The following NAV1 variants were observed in gnomAD, a reference collection of about 807,000 sequenced individuals.
NAV1 encodes the protein neuron navigator 1.
Under a neutral mutation model 175.2 loss-of-function variants are expected in NAV1, and 18 were observed. The observed-to-expected ratio is 0.10, with a 90% confidence interval of 0.07 to 0.15. The LOEUF is 0.15. NAV1 is among the 10% of genes least tolerant of loss of function. The pLI, the probability that NAV1 is intolerant of heterozygous loss-of-function variation, is 1.00. For missense variants in NAV1, 1,731 were observed against 2,436.6 expected (o/e 0.71, Z 6.10); for synonymous variants, 897 against 978.7 (o/e 0.92, Z 1.56).
At chr1:201,712,509 G>A (rs1185594394) in intron 1 of NAV1, among the ~76,000 whole-genome samples, 1 of 152,204 alleles carries the variant, frequency 6.6e-6, no homozygotes, top group African/African-American at 2.4e-5. Context: ...ATGAGAAGCA[G>A]GGCCTCCCCA....
intron 3 of NAV1, among the ~76,000 whole-genome samples, chr1:201,741,987 G>A (rs750814329): frequency 6.6e-6 from 1 of 152,194 alleles, no homozygotes; most frequent in Non-Finnish European, 1.5e-5. Flanking sequence ...CACCTACCCA[G>A]CCTACTAGGG....
At chr1:201,675,120 GC>G (rs1474529673) in intron 1 of NAV1, among the ~76,000 whole-genome samples, 3 of 151,926 alleles carry the variant, frequency 2.0e-5, no homozygotes, top group Non-Finnish European at 4.4e-5. Flanking sequence ...TTCCCATCAG[GC>G]CCCACCTCTG....
At chr1:201,707,751 G>A (rs1203866117) in intron 1 of NAV1, among the ~76,000 whole-genome samples, 1 of 152,164 alleles carries the variant, frequency 6.6e-6, no homozygotes, top group East Asian at 1.9e-4. Context: ...CAACGTTTTA[G>A]TCTTCTTGCT....
chr1:201,799,356 A>G lies in NAV1; in HGVS notation c.3518-4237A>G, dbSNP rs182366480. On this transcript the variant is annotated intron_variant, in intron 15 of 29. Coordinates refer to ENST00000367296, the Ensembl canonical transcript of NAV1. ...TGAGTTTTCATGTTATCCTCAGTTC[A>G]TGTTGATCCAGGCTTAACTTGGCAA... is the stretch of plus-strand genomic sequence containing the variant. 2.6e-3 allele frequency among the ~76,000 whole-genome samples: 398 copies of G among 152,354 alleles called. 1 individual carries two copies. The highest frequency in any genetic ancestry group is 9.4e-3 in the African/African-American group (389 of 41,586).
At position 201,549,744 on chromosome 1, in the gene NAV1, C is replaced by T. The variant is rs140126293; in HGVS notation, c.-144+10402C>T. Among the ~76,000 whole-genome samples the T allele has an allele frequency of 7.6e-3, 1,142 of 150,490 alleles. 8 individuals are homozygous for T. Among genetic ancestry groups the T allele is most frequent in the South Asian group, 0.04 (179 of 4,514 alleles). ...CCTGGGTGCCGGCCTGGCTCAGTGG[C>T]TCACACCTGTAATCCCAGCACTTCG... On this transcript the variant is annotated intron_variant, in intron 1 of 33. Transcript: ENST00000685211.
chr1:201,793,347 C>CATTA, intron 13 of NAV1: 2 of 154,574 alleles, frequency 1.3e-5, no homozygotes, highest in Non-Finnish European at 2.9e-5. Flanking sequence ...AGAAACGCAC[C>CATTA]AAATAGTTTC....
rs536986198 is a variant in NAV1, at chr1:201,818,033, C to T, written c.5538+748C>T. ...ATGGCTTGAGGCCAGGAGTGCAAGA[C>T]CAACCTGGGCAACATACTGAGACCC... On this transcript the variant is annotated intron_variant, in intron 29 of 29. Transcript: ENST00000367296. Among the ~76,000 whole-genome samples the T allele has an allele frequency of 1.3e-4, 20 of 152,068 alleles. 1 individual carries two copies. In the South Asian group the frequency reaches 4.1e-3, roughly 32 times the overall value.
At chr1:201,582,843 G>T (rs1307220838) in intron 1 of NAV1, among the ~76,000 whole-genome samples, 1 of 152,220 alleles carries the variant, frequency 6.6e-6, no homozygotes, top group Non-Finnish European at 1.5e-5. Flanking sequence ...CAAAGCTGCT[G>T]GCTAGGAGCC....
intron 1 of NAV1, among the ~76,000 whole-genome samples, chr1:201,562,788 G>A (rs947217168): frequency 7.2e-5 from 11 of 152,154 alleles, no homozygotes; most frequent in African/African-American, 2.7e-4. Context: ...GTGGATGGAA[G>A]GGAGCAGGCA....
At chr1:201,684,279 A>G (rs1048329564) in intron 1 of NAV1, among the ~76,000 whole-genome samples, 5 of 152,070 alleles carry the variant, frequency 3.3e-5, no homozygotes, top group Non-Finnish European at 7.4e-5. Context: ...GCCTATTGCT[A>G]TCACTGTGGT....
At chr1:201,715,202 C>G (rs941063641) in intron 2 of NAV1, among the ~76,000 whole-genome samples, 1 of 147,548 alleles carries the variant, frequency 6.8e-6, no homozygotes, top group African/African-American at 2.5e-5. Context: ...CTCACTGTCT[C>G]CCAGGCTGGA....
chr1:201,709,076 G>A (rs1040374), intron 1 of NAV1, among the ~76,000 whole-genome samples: 67,254 of 150,446 alleles, frequency 0.45, 15,414 homozygotes, highest in South Asian at 0.63. Flanking sequence ...TCAAAACCAG[G>A]GAAGTTGAGC....
chr1:201,775,655 C>T (rs1248661332), intron 3 of NAV1, among the ~76,000 whole-genome samples: 1 of 152,176 alleles, frequency 6.6e-6, no homozygotes, highest in Non-Finnish European at 1.5e-5. Context: ...CCTGCCCCTC[C>T]AAATGAATGA....
intron 2 of NAV1, among the ~76,000 whole-genome samples, chr1:201,614,003 C>A (rs1217989747): frequency 7.4e-6 from 1 of 135,920 alleles, no homozygotes; most frequent in African/African-American, 2.8e-5. Flanking sequence ...CAGCAATACC[C>A]AGATTTGTAC....
chr1:201,577,692 G>T (rs1268854933), intron 1 of NAV1, among the ~76,000 whole-genome samples: 1 of 152,078 alleles, frequency 6.6e-6, no homozygotes, highest in Non-Finnish European at 1.5e-5. Flanking sequence ...TGGCAACAAA[G>T]TCTCTTAGTT....
chr1:201,788,696 C>T lies in NAV1; in HGVS notation c.3166+58C>T. On this transcript the variant is annotated intron_variant, in intron 10 of 29. Transcript: ENST00000367296. This position sits in a 1 kb window ranked among gnomAD's most constrained non-coding sequence, Gnocchi z 5.7. ...TTCCAGCTCTGCTGGGTCCCCTCAC[C>T]CACCACCTCCACTCCCACCACTCCT... 2 of 1,483,698 alleles carry T rather than the reference C, an allele frequency of 1.3e-6. No individual in the cohort carries two copies. The highest frequency in any genetic ancestry group is 2.5e-5 in the South Asian group (2 of 79,936). 91.9% of individuals were successfully genotyped at this position (1,483,698 alleles called of 1,614,324 possible). A position where few individuals can be genotyped will look rare whatever the true frequency, so the allele number is the denominator to read the frequency against.
chr1:201,687,715 C>G (rs1670737949), intron 1 of NAV1, among the ~76,000 whole-genome samples: 1 of 152,220 alleles, frequency 6.6e-6, no homozygotes, highest in African/African-American at 2.4e-5. Flanking sequence ...CCCACCTACC[C>G]TGGATATTGG....
chr1:201,645,412 G>T, upstream of NAV1, among the ~76,000 whole-genome samples: 2 of 98,316 alleles, frequency 2.0e-5, no homozygotes, highest in African/African-American at 4.0e-5. Context: ...GGGGTGGGGG[G>T]AGGGGGGAGG....
At position 201,782,718 on chromosome 1, in the gene NAV1, C is replaced by A. The variant is rs760323762; in HGVS notation, c.2206C>A (p.Arg736=). Residue 736 remains arginine (R), a synonymous_variant, in exon 6 of 30, where the codon CGG becomes AGG. Transcript: ENST00000367296. This position sits in a 1 kb window ranked among gnomAD's most constrained non-coding sequence, Gnocchi z 5.4. ...TCCAGCCCCTGTCAATCAGACAGAT[C>A]GGGAAAAGGAGAAGGCCAAAGCCAA... 6 of 1,614,006 alleles carry A rather than the reference C, an allele frequency of 3.7e-6. No individual in the cohort carries two copies. Among genetic ancestry groups the A allele is most frequent in the Admixed American group, 1.7e-5 (1 of 59,998 alleles).
Sources: gnomAD v4.1 joint callset for allele counts (sites outside exome capture counted in the v4.1 genomes callset) on GRCh38, gnomAD v4.1.1 for gene constraint, Gnocchi (gnomAD v3.1) non-coding constraint, MANE v1.5 for transcripts, NCBI Gene and HGNC (gene_info 2026-07-23, HGNC 2026-07-21) for gene names.